The following EYA2 variants were observed in gnomAD, a reference collection of about 807,000 sequenced individuals.
The protein encoded by EYA2 is protein phosphatase EYA2.
In EYA2, 31 loss-of-function variants were observed where a neutral mutation model predicts 69.2. The ratio of observed to expected loss-of-function variants is 0.45; its 90% CI spans 0.34 to 0.60. The LOEUF is 0.60. Among genes scored for constraint, EYA2 ranks in the 20% least tolerant of loss-of-function variants. EYA2 has a pLI of 0.02. For synonymous variants in EYA2, 257 were observed against 279.4 expected (o/e 0.92, Z 0.80); for missense variants, 622 against 701.2 (o/e 0.89, Z 1.28).
chr20:46,898,977 T>C (rs575554026), intron 1 of EYA2, among the ~76,000 whole-genome samples: 3 of 152,354 alleles, frequency 2.0e-5, no homozygotes, highest in African/African-American at 7.2e-5. Flanking sequence ...ATAGTAATGA[T>C]GAAAATAGCT....
intron 5 of EYA2, among the ~76,000 whole-genome samples, chr20:47,047,558 T>C (rs1429145039): frequency 6.6e-6 from 1 of 152,180 alleles, no homozygotes; most frequent in Non-Finnish European, 1.5e-5. Context: ...GGCTAATTTT[T>C]GTATTTTTAG....
chr20:47,014,628 ATGTGTGTGTGTGTGTG>A (rs56005987), intron 4 of EYA2, among the ~76,000 whole-genome samples: 87 of 144,704 alleles, frequency 6.0e-4, no homozygotes, highest in Middle Eastern at 3.6e-3. Flanking sequence ...TGTGCACAAA[ATGTGTGTGTGTGTGTG>A]TGTGTGTGTG....
At chr20:46,900,537 A>G (rs1040964432) in intron 1 of EYA2, among the ~76,000 whole-genome samples, 2 of 152,268 alleles carry the variant, frequency 1.3e-5, no homozygotes, top group African/African-American at 2.4e-5. Context: ...GCAAGAAGCT[A>G]TGCTGAAAAC....
chr20:47,188,189 C>A lies in EYA2; in HGVS notation c.*56C>A. ...CACCCTCAGACCCCCTCGCCTTCCC[C>A]ACCTCCCCACCGAGAACTCCAGAGA... On this transcript the variant is annotated 3_prime_UTR_variant, in exon 16 of 16. Transcript: ENST00000327619. 1 of 1,493,492 alleles carries A rather than the reference C, an allele frequency of 6.7e-7. No individual in the cohort carries two copies. The allele number at this position is 1,493,492 out of a possible 1,614,324, so 92.5% of individuals were successfully genotyped here. A position where few individuals can be genotyped will look rare whatever the true frequency, so the allele number is the denominator to read the frequency against.
chr20:47,087,065 G>A (rs1037917144), intron 7 of EYA2, among the ~76,000 whole-genome samples: 2 of 152,248 alleles, frequency 1.3e-5, no homozygotes, highest in Admixed American at 1.3e-4. Context: ...CTCAATGTTT[G>A]GGAATCTCTC....
intron 3 of EYA2, among the ~76,000 whole-genome samples, chr20:47,003,432 C>T (rs997802620): frequency 1.4e-4 from 21 of 152,296 alleles, no homozygotes; most frequent in African/African-American, 4.6e-4. Flanking sequence ...GGATGTGATT[C>T]GGTCTCAAGA....
Position 47,136,186 on chromosome 20 carries a change from A to G in EYA2, c.889-6873A>G, listed in dbSNP as rs139428935. The stretch of plus-strand genomic sequence containing the variant: ...ATGTGGACTGGGAAGTAGACTTACA[A>G]TACGGCATAAATTGGAGAGCTGATA... On this transcript the variant is annotated intron_variant, in intron 9 of 15. Coordinates refer to ENST00000327619, the MANE Select transcript of EYA2 (RefSeq NM_005244.5). Among the ~76,000 whole-genome samples the G allele has an allele frequency of 3.7e-3, 565 of 152,350 alleles. 4 individuals are homozygous for G. Among genetic ancestry groups the G allele is most frequent in the African/African-American group, 0.013 (532 of 41,576 alleles).
chr20:47,123,902 G>T (rs2033113594), intron 9 of EYA2, among the ~76,000 whole-genome samples: 1 of 151,496 alleles, frequency 6.6e-6, no homozygotes, highest in Non-Finnish European at 1.5e-5. Flanking sequence ...TGAGGCAGGA[G>T]AATCACTTGA....
intron 1 of EYA2, among the ~76,000 whole-genome samples, chr20:46,931,840 A>G (rs1985683769): frequency 6.6e-6 from 1 of 152,070 alleles, no homozygotes; most frequent in Non-Finnish European, 1.5e-5. Context: ...GAAGCCGTCC[A>G]AGCTGATCAA....
At chr20:47,058,297 G>C (rs1361920434) in intron 5 of EYA2, among the ~76,000 whole-genome samples, 1 of 152,238 alleles carries the variant, frequency 6.6e-6, no homozygotes, top group Non-Finnish European at 1.5e-5. Context: ...ATTATGCCAA[G>C]TGCCTGTAGG....
chr20:47,159,025 G>T (rs995602843), intron 10 of EYA2, among the ~76,000 whole-genome samples: 1 of 151,970 alleles, frequency 6.6e-6, no homozygotes. Flanking sequence ...GTAGATAAAT[G>T]ATTGCATAAA....
At position 46,945,422 on chromosome 20, in the gene EYA2, C is replaced by G. The variant is rs148956439; in HGVS notation, c.-10-44579C>G. 2.6e-5 allele frequency among the ~76,000 whole-genome samples: 4 copies of G among 152,304 alleles called. No individual in the cohort carries two copies. The East Asian group carries it at 7.7e-4, about 29-fold the overall frequency. On this transcript the variant is annotated intron_variant, in intron 1 of 15. Transcript: ENST00000327619. ...TAAAACATCTCAGGAACCTAAGCAG[C>G]CTCTCTTGTACCTCAGGTGTTTCTG...
intron 5 of EYA2, among the ~76,000 whole-genome samples, chr20:47,050,322 A>G (rs1187835173): frequency 6.6e-6 from 1 of 152,246 alleles, no homozygotes; most frequent in African/African-American, 2.4e-5. Flanking sequence ...CAAAATATTC[A>G]GCAGGACACA....
At chr20:47,052,430 G>A (rs1444481857) in intron 5 of EYA2, among the ~76,000 whole-genome samples, 2 of 152,170 alleles carry the variant, frequency 1.3e-5, no homozygotes, top group Non-Finnish European at 2.9e-5. Context: ...GAAATCTCAG[G>A]CCTCATCCAG....
intron 5 of EYA2, among the ~76,000 whole-genome samples, chr20:47,048,664 G>A (rs1447282917): frequency 6.6e-6 from 1 of 152,220 alleles, no homozygotes; most frequent in African/African-American, 2.4e-5. Context: ...TTGAACCTGG[G>A]AGGCAGAGGT....
At chr20:46,922,918 C>T (rs1178573106) in intron 1 of EYA2, among the ~76,000 whole-genome samples, 1 of 152,152 alleles carries the variant, frequency 6.6e-6, no homozygotes, top group Non-Finnish European at 1.5e-5. Context: ...GAGAAGGACG[C>T]AGCATCACCC....
intron 2 of EYA2, among the ~76,000 whole-genome samples, chr20:46,993,455 T>G (rs1331178404): frequency 6.6e-6 from 1 of 152,232 alleles, no homozygotes; most frequent in African/African-American, 2.4e-5. Context: ...GGACCAGTCT[T>G]CACCCAGGCT....
chr20:47,033,645 G>A (rs1984541629), intron 5 of EYA2, among the ~76,000 whole-genome samples: 1 of 152,148 alleles, frequency 6.6e-6, no homozygotes, highest in Non-Finnish European at 1.5e-5. Context: ...GAGGCAGTCA[G>A]CTAATTCTAG....
chr20:47,127,884 G>T (rs200733854), intron 9 of EYA2, among the ~76,000 whole-genome samples: 1 of 152,248 alleles, frequency 6.6e-6, no homozygotes, highest in African/African-American at 2.4e-5. Context: ...TGACAAGAGC[G>T]AAACAGACAG....
Sources: gnomAD v4.1 joint callset for allele counts (sites outside exome capture counted in the v4.1 genomes callset) on GRCh38, gnomAD v4.1.1 for gene constraint, MANE v1.5 for transcripts, NCBI Gene and HGNC (gene_info 2026-07-23, HGNC 2026-07-21) for gene names.